Variants in RASEF observed in about 807,000 individuals in gnomAD.
The protein encoded by RASEF is RAS and EF-hand domain containing.
In RASEF, 68 loss-of-function variants were observed where a neutral mutation model predicts 90.1. The ratio of observed to expected loss-of-function variants is 0.75; its 90% CI spans 0.62 to 0.92. RASEF has a LOEUF of 0.92. Among genes scored for constraint, RASEF ranks in the 40% least tolerant of loss-of-function variants. The pLI is 0.00. For missense variants in RASEF, 949 were observed against 937.2 expected (o/e 1.01, Z -0.16); for synonymous variants, 331 against 345.2 (o/e 0.96, Z 0.46).
the RASEF span, among the ~76,000 whole-genome samples, chr9:83,189,802 A>G: frequency 6.6e-6 from 1 of 152,234 alleles, no homozygotes; most frequent in African/African-American, 2.4e-5. Flanking sequence ...TCTTTTCTAC[A>G]GCCTGTCCCT....
the RASEF span, among the ~76,000 whole-genome samples, chr9:83,153,169 C>A: frequency 6.6e-6 from 1 of 152,118 alleles, no homozygotes; most frequent in Non-Finnish European, 1.5e-5. Flanking sequence ...CCCATCGATT[C>A]TTTCTCTTAA....
intron 1 of RASEF, among the ~76,000 whole-genome samples, chr9:83,049,513 C>A (rs1214616240): frequency 6.7e-6 from 1 of 149,950 alleles, no homozygotes; most frequent in African/African-American, 2.5e-5. Context: ...AATGCACAGC[C>A]CACCTTTCTG....
At chr9:83,004,117 G>C (rs973230310) in intron 9 of RASEF, among the ~76,000 whole-genome samples, 1 of 152,026 alleles carries the variant, frequency 6.6e-6, no homozygotes, top group East Asian at 1.9e-4. Context: ...ATATTATGCT[G>C]AGCTATTAAA....
At chr9:83,118,137 C>T in the RASEF span, among the ~76,000 whole-genome samples, 127 of 152,140 alleles carry the variant, frequency 8.3e-4, no homozygotes, top group Non-Finnish European at 1.5e-3. Flanking sequence ...ATAGGTGATG[C>T]ATAAATGTAA....
At chr9:83,157,822 A>G in the RASEF span, among the ~76,000 whole-genome samples, 1 of 152,242 alleles carries the variant, frequency 6.6e-6, no homozygotes, top group South Asian at 2.1e-4. Flanking sequence ...ATCAAAGTGT[A>G]ACTTTTACAA....
At chr9:83,212,976 C>G in the RASEF span, among the ~76,000 whole-genome samples, 1 of 151,984 alleles carries the variant, frequency 6.6e-6, no homozygotes, top group East Asian at 1.9e-4. Context: ...AAACTGGAAA[C>G]AGAGGTTGTC....
chr9:83,062,504 C>G lies in RASEF; in HGVS notation c.364G>C (p.Ala122Pro). 1 of 1,611,196 alleles carries G rather than the reference C, an allele frequency of 6.2e-7. No individual in the cohort carries two copies. Among genetic ancestry groups the G allele is most frequent in the Non-Finnish European group, 8.5e-7 (1 of 1,179,144 alleles). ...AAALATSCGPASPGRAWQDFQ... is the reference protein window; with the variant it reads ...AAALATSCGPPSPGRAWQDFQ... ...TCCTGCCAAGCCCGGCCGGGACTCG[C>G]CGGGCCGCACGAGGTGGCCAGCGCC... The change falls in exon 1 of 17, where the codon GCG (alanine) becomes CCG (proline). Residue 122 changes from alanine to proline, a missense_variant. This residue lies in a region of RASEF where 656 missense variants were observed against 592.2 expected (regional missense o/e 1.11). Transcript: ENST00000376447.
chr9:83,092,520 G>A, the RASEF span, among the ~76,000 whole-genome samples: 5 of 151,882 alleles, frequency 3.3e-5, no homozygotes, highest in South Asian at 2.1e-4. Flanking sequence ...CGTTCCTCCC[G>A]GTGGGCTTGT....
intron 1 of RASEF, among the ~76,000 whole-genome samples, chr9:83,049,529 CTTTTTTTTT>C (rs10687615): frequency 3.0e-5 from 3 of 99,084 alleles, no homozygotes; most frequent in African/African-American, 4.3e-5. Context: ...TTCTGCCTTC[CTTTTTTTTT>C]TTTTTTTTTT....
the RASEF span, among the ~76,000 whole-genome samples, chr9:83,074,717 T>C: frequency 8.5e-5 from 13 of 152,350 alleles, no homozygotes; most frequent in Non-Finnish European, 1.8e-4. Context: ...CTGCAAAGCC[T>C]GAAATAGTTC....
the RASEF span, among the ~76,000 whole-genome samples, chr9:83,204,734 G>A: frequency 5.2e-4 from 79 of 152,200 alleles, no homozygotes; most frequent in South Asian, 2.3e-3. Flanking sequence ...ATAAACATTC[G>A]CTGATTTGAT....
intron 1 of RASEF, among the ~76,000 whole-genome samples, chr9:83,058,789 T>C (rs922054894): frequency 6.6e-6 from 1 of 152,214 alleles, no homozygotes; most frequent in Non-Finnish European, 1.5e-5. Flanking sequence ...CCAATCTCTA[T>C]ACAATTCACA....
chr9:83,160,928 T>C, the RASEF span, among the ~76,000 whole-genome samples: 1 of 152,044 alleles, frequency 6.6e-6, no homozygotes, highest in African/African-American at 2.4e-5. Context: ...CTCCATGGGG[T>C]GTTGAGCCTG....
chr9:83,101,091 C>T, the RASEF span, among the ~76,000 whole-genome samples: 1 of 152,116 alleles, frequency 6.6e-6, no homozygotes, highest in African/African-American at 2.4e-5. Flanking sequence ...GAGATTCTGT[C>T]CCCCTTTAAA....
intron 16 of RASEF, among the ~76,000 whole-genome samples, chr9:82,983,107 CCACACA>C (rs10539196): frequency 0.33 from 42,562 of 128,390 alleles, 7,350 homozygotes; most frequent in East Asian, 0.41. Context: ...GAGTACCAGG[CCACACA>C]CACACACACA....
intron 4 of RASEF, among the ~76,000 whole-genome samples, chr9:83,014,892 A>G (rs1297821552): frequency 3.3e-5 from 5 of 152,184 alleles, no homozygotes; most frequent in African/African-American, 7.2e-5. Flanking sequence ...CTATAGAGCC[A>G]CCTGTTAAAC....
At chr9:83,015,603 C>T (rs1172806064) in intron 4 of RASEF, among the ~76,000 whole-genome samples, 1 of 152,176 alleles carries the variant, frequency 6.6e-6, no homozygotes, top group Non-Finnish European at 1.5e-5. Flanking sequence ...TCATTTGAAT[C>T]CAGGAGGCGG....
At chr9:83,185,928 C>T in the RASEF span, among the ~76,000 whole-genome samples, 1 of 151,774 alleles carries the variant, frequency 6.6e-6, no homozygotes, top group Non-Finnish European at 1.5e-5. Context: ...CGGGAGATTG[C>T]CCAGCACAGT....
At chr9:83,048,109 G>A in intron 1 of RASEF, 1 of 985,210 alleles carries the variant, frequency 1.0e-6, no homozygotes, top group South Asian at 4.7e-5. Context: ...CACTGGGTCA[G>A]CATTACCTGC....
Sources: allele counts gnomAD v4.1 joint callset (sites outside exome capture counted in the v4.1 genomes callset), GRCh38; gene constraint gnomAD v4.1.1; regional missense constraint gnomAD v4.1.1; transcripts MANE v1.5; gene names NCBI Gene and HGNC (gene_info 2026-07-23, HGNC 2026-07-21).